Variants in ME1 observed in about 807,000 individuals in gnomAD.
ME1 encodes the protein NADP-dependent malic enzyme.
ME1 carries 74 observed loss-of-function variants against 66.4 expected under a neutral mutation model. The observed-to-expected ratio is 1.11, with a 90% CI of 0.92 to 1.35. The LOEUF (loss-of-function observed/expected upper bound fraction) is 1.35, where lower values mean the gene tolerates loss of function less well. Ranked by LOEUF, ME1 falls within the 40% of genes most tolerant of loss-of-function variation. The pLI is 0.00. For synonymous variants in ME1, 251 were observed against 235.6 expected (o/e 1.07, Z -0.60); for missense variants, 750 against 694.1 (o/e 1.08, Z -0.90).
At chr6:83,317,161 C>G (rs1051439345) in intron 5 of ME1, among the ~76,000 whole-genome samples, 1 of 152,100 alleles carries the variant, frequency 6.6e-6, no homozygotes, top group African/African-American at 2.4e-5. Context: ...ATAGAGGACA[C>G]AGGACTTGCT....
At chr6:83,397,437 C>T (rs1161384716) in intron 3 of ME1, among the ~76,000 whole-genome samples, 3 of 152,174 alleles carry the variant, frequency 2.0e-5, no homozygotes, top group African/African-American at 4.8e-5. Context: ...TATCACCTCA[C>T]ACTTGTTAGA....
At chr6:83,307,544 C>G (rs1300727072) in intron 6 of ME1, among the ~76,000 whole-genome samples, 1 of 152,024 alleles carries the variant, frequency 6.6e-6, no homozygotes, top group East Asian at 1.9e-4. Context: ...TCATGCTGAT[C>G]AAAGTGACAG....
intron 3 of ME1, among the ~76,000 whole-genome samples, chr6:83,374,664 T>C (rs1769254528): frequency 6.6e-6 from 1 of 152,228 alleles, no homozygotes; most frequent in Non-Finnish European, 1.5e-5. Context: ...TCATAAAATC[T>C]TTGCACATGC....
Position 83,239,538 on chromosome 6 carries a change from C to T in ME1, c.912+1G>A, listed in dbSNP as rs1452961986. 6 of 1,605,094 alleles carry T rather than the reference C, an allele frequency of 3.7e-6. No homozygotes were observed. The highest frequency in any genetic ancestry group is 2.2e-5 in the South Asian group (2 of 90,662). ...ACATAAGTATTACACAAGGCAAATACCTCTCCAGCTCCTTGGAATAGTATT... is the reference window on the plus strand; with the variant it reads ...ACATAAGTATTACACAAGGCAAATATCTCTCCAGCTCCTTGGAATAGTATT... On this transcript the variant is annotated splice_donor_variant, in intron 8 of 13. Coordinates refer to ENST00000369705, the MANE Select transcript of ME1 (RefSeq NM_002395.6). LOFTEE classifies it high-confidence loss of function.
intron 6 of ME1, among the ~76,000 whole-genome samples, chr6:83,294,307 C>G (rs1265596551): frequency 1.3e-5 from 2 of 152,120 alleles, no homozygotes; most frequent in Non-Finnish European, 2.9e-5. Flanking sequence ...CATCCAATTC[C>G]CTTAAGGTTA....
intron 6 of ME1, among the ~76,000 whole-genome samples, chr6:83,313,960 G>A (rs1479298942): frequency 1.3e-5 from 2 of 152,094 alleles, no homozygotes; most frequent in African/African-American, 2.4e-5. Context: ...TCTGCTGTTG[G>A]ATAAAACTTC....
chr6:83,285,680 A>G (rs1193461044), intron 6 of ME1, among the ~76,000 whole-genome samples: 3 of 152,190 alleles, frequency 2.0e-5, no homozygotes, highest in Non-Finnish European at 4.4e-5. Context: ...GAGAACAGCA[A>G]AAGCAAAGAC....
chr6:83,237,787 T>C lies in ME1; in HGVS notation c.956A>G (p.Lys319Arg), dbSNP rs1340541331. The change falls in exon 9 of 14, where the codon AAA (lysine) becomes AGA (arginine). Residue 319 changes from lysine to arginine, a missense_variant. By Grantham distance (26) the Lys-to-Arg change is conservative. Transcript: ENST00000369705. The part of the protein sequence containing the change: ...IAHLIVMALE[K>R]EGLPKEKAIK... ...GGCTTTCTCTTTTGGTAAACCTTCT[T>C]TTTCCAAGGCCATCACAATCAGGTG... The C allele has an allele frequency of 2.5e-6, 4 of 1,608,692 alleles. No homozygotes were observed. The highest frequency in any genetic ancestry group is 3.4e-6 in the Non-Finnish European group (4 of 1,177,318).
At chr6:83,429,367 A>C (rs1192140690) in intron 1 of ME1, among the ~76,000 whole-genome samples, 1 of 151,984 alleles carries the variant, frequency 6.6e-6, no homozygotes, top group East Asian at 1.9e-4. Flanking sequence ...CTTAATAGAC[A>C]CTCTTGCCCC....
intron 6 of ME1, among the ~76,000 whole-genome samples, chr6:83,272,684 C>T (rs762345608): frequency 2.0e-5 from 3 of 152,130 alleles, no homozygotes; most frequent in Non-Finnish European, 4.4e-5. Context: ...CAACTAAATG[C>T]AAGATAAAGC....
At chr6:83,274,764 T>C (rs1767145652) in intron 6 of ME1, among the ~76,000 whole-genome samples, 1 of 152,238 alleles carries the variant, frequency 6.6e-6, no homozygotes, top group Non-Finnish European at 1.5e-5. Context: ...CTTGCTGCTA[T>C]TTACAAATCA....
At chr6:83,321,049 G>C (rs888187396) in intron 5 of ME1, among the ~76,000 whole-genome samples, 1 of 152,100 alleles carries the variant, frequency 6.6e-6, no homozygotes, top group Non-Finnish European at 1.5e-5. Flanking sequence ...GAAGCGCAGG[G>C]GGTTAGGGAA....
At chr6:83,344,090 T>C (rs539493381) in intron 5 of ME1, among the ~76,000 whole-genome samples, 58 of 144,616 alleles carry the variant, frequency 4.0e-4, no homozygotes, top group South Asian at 1.1e-3. Context: ...CTGAGCAACA[T>C]ACATAGCAAG....
intron 4 of ME1, among the ~76,000 whole-genome samples, chr6:83,351,766 G>A (rs1271347585): frequency 1.3e-5 from 2 of 152,080 alleles, no homozygotes; most frequent in Non-Finnish European, 2.9e-5. Context: ...ACAACAGATA[G>A]AATTTAAGGG....
At chr6:83,220,488 TG>T (rs1190849368) in intron 12 of ME1, among the ~76,000 whole-genome samples, 5 of 152,218 alleles carry the variant, frequency 3.3e-5, no homozygotes, top group Non-Finnish European at 7.3e-5. Flanking sequence ...GATATAAAAA[TG>T]TCCAGAAATA....
intron 3 of ME1, among the ~76,000 whole-genome samples, chr6:83,397,444 T>C (rs1583416681): frequency 6.6e-6 from 1 of 152,320 alleles, no homozygotes; most frequent in East Asian, 1.9e-4. Flanking sequence ...TCACACTTGT[T>C]AGAACGGCTA....
intron 9 of ME1, among the ~76,000 whole-genome samples, chr6:83,234,665 A>T (rs758630735): frequency 1.5e-4 from 23 of 152,108 alleles, no homozygotes; most frequent in Non-Finnish European, 3.4e-4. Flanking sequence ...TTCTATCTGG[A>T]TTATTGCAAC....
intron 7 of ME1, among the ~76,000 whole-genome samples, 186 bp downstream of exon 7, chr6:83,253,443 A>T (rs1790756674): frequency 6.6e-6 from 1 of 152,140 alleles, no homozygotes; most frequent in South Asian, 2.1e-4. Context: ...ATGGTATATT[A>T]TACAGTCAGA....
At chr6:83,263,821 AACAT>A (rs1366563631) in intron 6 of ME1, among the ~76,000 whole-genome samples, 8 of 42,194 alleles carry the variant, frequency 1.9e-4, no homozygotes, top group African/African-American at 8.6e-4. Context: ...AACATAACAT[AACAT>A]AACATAACAT....
Sources: gnomAD v4.1 joint callset for allele counts (sites outside exome capture counted in the v4.1 genomes callset) on GRCh38, gnomAD v4.1.1 for gene constraint, MANE v1.5 for transcripts, NCBI Gene and HGNC (gene_info 2026-07-23, HGNC 2026-07-21) for gene names.